MGRN1: variants seen among roughly 807,000 people sequenced by gnomAD.
MGRN1 encodes mahogunin ring finger 1, also known as E3 ubiquitin-protein ligase MGRN1.
In MGRN1, 29 loss-of-function variants were observed where a neutral mutation model predicts 69.2. The ratio of observed to expected loss-of-function variants is 0.42; its 90% CI spans 0.31 to 0.57. MGRN1 has a LOEUF of 0.57. Among genes scored for constraint, MGRN1 ranks in the 20% least tolerant of loss-of-function variants. MGRN1 has a pLI of 0.15. For synonymous variants in MGRN1, 470 were observed against 344.2 expected, an observed-to-expected ratio of 1.37 and a Z score of -4.04; for missense variants, 998 against 796.2, an observed-to-expected ratio of 1.25 and a Z score of -3.05.
chr16:4,633,061 C>T (rs1004231383), intron 1 of MGRN1, among the ~76,000 whole-genome samples: 1 of 152,140 alleles, frequency 6.6e-6, no homozygotes, highest in Admixed American at 6.6e-5. Flanking sequence ...CCAGCCTGGG[C>T]AGCAGAGTGA....
At chr16:4,668,495 TC>T (rs1241374730) in intron 8 of MGRN1, among the ~76,000 whole-genome samples, 183 bp downstream of exon 8, 1 of 148,306 alleles carries the variant, frequency 6.7e-6, no homozygotes, top group East Asian at 2.6e-4. Flanking sequence ...CATCAGACAC[TC>T]ACATTCACAC....
chr16:4,646,909 C>G (rs2141867196), intron 1 of MGRN1, among the ~76,000 whole-genome samples: 1 of 152,180 alleles, frequency 6.6e-6, no homozygotes, highest in Admixed American at 6.5e-5. Context: ...TGCCCAGTGC[C>G]TCGGCCTGGA....
chr16:4,643,921 G>GTTGGA (rs1353585475), intron 1 of MGRN1, among the ~76,000 whole-genome samples: 1 of 152,118 alleles, frequency 6.6e-6, no homozygotes, highest in Non-Finnish European at 1.5e-5. Context: ...TGCATTCACA[G>GTTGGA]TTGGATACAA....
In MGRN1 at chr16:4,652,680, A is replaced by G; in HGVS notation, c.299A>G (p.Tyr100Cys). 2 of 1,612,252 alleles carry G rather than the reference A, an allele frequency of 1.2e-6. No homozygotes were observed. Among genetic ancestry groups the G allele is most frequent in the Non-Finnish European group, 1.7e-6 (2 of 1,179,158 alleles). ...IRKDSLRLVRYKDDADSPTED... is the reference protein window; with the variant it reads ...IRKDSLRLVRCKDDADSPTED... ...TTTCTCTCCACCGCCTGGGGTAGGTACAAAGACGATGCCGACAGCCCCACC... is the reference window on the plus strand; with the variant it reads ...TTTCTCTCCACCGCCTGGGGTAGGTGCAAAGACGATGCCGACAGCCCCACC... The change falls in exon 4 of 17, where the codon TAC becomes TGC. Residue 100 changes from tyrosine (Y) to cysteine (C), a missense_variant and splice_region_variant. Physicochemically the swap from Tyr to Cys is radical, Grantham distance 194. Transcript: ENST00000262370.
In MGRN1 at chr16:4,664,765, C is replaced by T. The variant is rs747206552; in HGVS notation, c.618C>T (p.Asp206=). The part of the protein sequence containing the change: ...VFPVVIQAVV[D]EGDVVEVTGH... ...CAGTAGTCATCCAGGCTGTGGTGGA[C>T]GAAGGAGATGGTGAGTGCGTCCTCT... Residue 206 remains aspartate (D), a synonymous_variant, in exon 6 of 17, where the codon GAC becomes GAT. Coordinates refer to ENST00000262370, the MANE Select transcript of MGRN1 (RefSeq NM_015246.4). 3.0e-5 allele frequency: 49 copies of T among 1,614,038 alleles called. No individual in the cohort carries two copies. The highest frequency in any genetic ancestry group is 4.0e-5 in the African/African-American group (3 of 74,914).
chr16:4,642,033 C>G (rs73516845), intron 1 of MGRN1, among the ~76,000 whole-genome samples: 3,300 of 151,926 alleles, frequency 0.022, 119 homozygotes, highest in African/African-American at 0.076. Context: ...TTGTCTGCGC[C>G]GTGTTGATCA....
At chr16:4,662,976 G>C (rs976241385) in intron 5 of MGRN1, among the ~76,000 whole-genome samples, 3 of 152,198 alleles carry the variant, frequency 2.0e-5, no homozygotes, top group Non-Finnish European at 2.9e-5. Flanking sequence ...CCTGTGGTCG[G>C]TCTTGGGAGG....
At chr16:4,672,424 C>A (rs116277866) in intron 9 of MGRN1, 4 of 456,628 alleles carry the variant, frequency 8.8e-6, no homozygotes, top group Non-Finnish European at 1.3e-5. Context: ...CTCACAGGCC[C>A]GCTTCATTAT....
intron 4 of MGRN1, among the ~76,000 whole-genome samples, chr16:4,656,945 C>T (rs141804746): frequency 1.3e-3 from 195 of 151,852 alleles, no homozygotes; most frequent in African/African-American, 4.5e-3. Flanking sequence ...CAACTTAGCA[C>T]CGATGGAAAG....
intron 1 of MGRN1, among the ~76,000 whole-genome samples, chr16:4,641,879 C>G (rs1357058311): frequency 6.6e-6 from 1 of 151,710 alleles, no homozygotes. Flanking sequence ...GTCTGAAATT[C>G]GTGGCTTCAA....
Position 4,681,128 on chromosome 16 carries a change from C to T in MGRN1, c.1132-422C>T, listed in dbSNP as rs550373273. 2.1e-3 allele frequency among the ~76,000 whole-genome samples: 317 copies of T among 152,356 alleles called. 1 individual carries two copies. Among genetic ancestry groups the T allele is most frequent in the African/African-American group, 7.2e-3 (300 of 41,592 alleles). ...GGCCCGGGCAGGGCACAGCTCCCAACAGCTCAGCTCTCCCTGGTCCAGGAC... is the reference window on the plus strand; with the variant it reads ...GGCCCGGGCAGGGCACAGCTCCCAATAGCTCAGCTCTCCCTGGTCCAGGAC... On this transcript the variant is annotated intron_variant, in intron 12 of 16. Transcript: ENST00000262370.
intron 16 of MGRN1, chr16:4,686,752 G>A (rs536561031): frequency 1.8e-5 from 18 of 1,000,326 alleles, no homozygotes; most frequent in Non-Finnish European, 2.0e-5. Context: ...GCCTTGTTCC[G>A]GATGGTCCCA....
rs953335374 is a variant in MGRN1, at chr16:4,689,670, G to T, written c.*762G>T. Reference sequence around the variant, plus strand: ...TGGTGACATCACAAGGCCCCTCCAGGTGCAGGGGCTTCTGTTTGGCAGGCC... The same window carrying T: ...TGGTGACATCACAAGGCCCCTCCAGTTGCAGGGGCTTCTGTTTGGCAGGCC... On this transcript the variant is annotated 3_prime_UTR_variant, in exon 17 of 17. Coordinates refer to ENST00000262370, the MANE Select transcript of MGRN1 (RefSeq NM_015246.4). 8 of 152,230 alleles carry T rather than the reference G, an allele frequency of 5.3e-5. No homozygotes were observed. Among genetic ancestry groups the T allele is most frequent in the African/African-American group, 1.9e-4 (8 of 41,450 alleles). The allele number at this position is 152,230 out of a possible 1,614,324, so 9.4% of individuals were successfully genotyped here.
intron 5 of MGRN1, among the ~76,000 whole-genome samples, chr16:4,661,556 G>A (rs2078682243): frequency 6.6e-6 from 1 of 152,266 alleles, no homozygotes; most frequent in Admixed American, 6.5e-5. Context: ...GGTTCTAATT[G>A]TAGTGAATGG....
intron 16 of MGRN1, chr16:4,687,523 C>T (rs1335960756): frequency 1.0e-6 from 1 of 981,062 alleles, no homozygotes; most frequent in Non-Finnish European, 1.2e-6. Context: ...AAAAAAAATA[C>T]ACACACACCC....
chr16:4,629,191 T>TGTGTGTGG (rs777024460), intron 1 of MGRN1, among the ~76,000 whole-genome samples: 1 of 148,916 alleles, frequency 6.7e-6, no homozygotes, highest in Admixed American at 6.8e-5. Flanking sequence ...TGTGTGTGTG[T>TGTGTGTGG]GAAAAGTGTC....
At chr16:4,675,963 G>A (rs576256371) in intron 10 of MGRN1, among the ~76,000 whole-genome samples, 2 of 152,248 alleles carry the variant, frequency 1.3e-5, no homozygotes, top group Non-Finnish European at 2.9e-5. Flanking sequence ...CCTTGCCCTG[G>A]ATCCTGGGAT....
At chr16:4,639,846 C>T (rs1555447755) in intron 1 of MGRN1, 3 of 152,248 alleles carry the variant, frequency 2.0e-5, no homozygotes, top group Non-Finnish European at 4.4e-5. Flanking sequence ...TCCCTGAAAA[C>T]TGTGAGCGTG....
Position 4,668,288 on chromosome 16 carries a change from G to C in MGRN1, c.702G>C (p.Val234=), listed in dbSNP as rs2078850912. 15 of 1,613,972 alleles carry C rather than the reference G, an allele frequency of 9.3e-6. No homozygotes were observed. Among genetic ancestry groups the C allele is most frequent in the Non-Finnish European group, 1.3e-5 (15 of 1,180,000 alleles). Residue 234 remains valine, a synonymous_variant, in exon 8 of 17, where the codon GTG becomes GTC. Transcript: ENST00000262370. ...FEKHMDGSFS[V]KPLKQKQIVD... is the part of the protein sequence containing the mutation. ...AGCACATGGACGGCAGCTTCTCTGT[G>C]AAGCCTTTAAAGCAGAAGCAAATTG...
Sources: gnomAD v4.1 joint callset for allele counts (sites outside exome capture counted in the v4.1 genomes callset) on GRCh38, gnomAD v4.1.1 for gene constraint, MANE v1.5 for transcripts, NCBI Gene and HGNC (gene_info 2026-07-23, HGNC 2026-07-21) for gene names.